The following PRKN variants were observed in gnomAD, a reference collection of about 807,000 sequenced individuals.
PRKN encodes parkin RBR E3 ubiquitin protein ligase.
PRKN carries 56 observed loss-of-function variants against 59.5 expected under a neutral mutation model. That is an observed-to-expected ratio of 0.94 (90% CI 0.76 to 1.18). The LOEUF is 1.18. Ranked by LOEUF, PRKN falls within the 50% of genes most tolerant of loss-of-function variation. The probability of loss-of-function intolerance (pLI) is 0.00; values close to 1 mark genes in which losing one functional copy is unlikely to be tolerated. For synonymous variants in PRKN, 250 were observed against 222.1 expected, an observed-to-expected ratio of 1.13 and a Z score of -1.12; for missense variants, 657 against 596.4, an observed-to-expected ratio of 1.10 and a Z score of -1.06.
chr6:162,503,363 C>T (rs956984880), intron 1 of PRKN, among the ~76,000 whole-genome samples: 4 of 151,888 alleles, frequency 2.6e-5, no homozygotes, highest in Admixed American at 2.6e-4. Context: ...GGGGTTTCGC[C>T]ATGTTGGGCA....
intron 9 of PRKN, among the ~76,000 whole-genome samples, chr6:161,541,377 A>T (rs1318478479): frequency 2.0e-5 from 3 of 152,228 alleles, no homozygotes. Context: ...CTCCACACAG[A>T]AACAATGCAA....
At chr6:161,621,014 T>C (rs1782877338) in intron 7 of PRKN, among the ~76,000 whole-genome samples, 1 of 152,110 alleles carries the variant, frequency 6.6e-6, no homozygotes, top group Non-Finnish European at 1.5e-5. Context: ...CACCTTTATG[T>C]TCGGTGCTTC....
At chr6:161,806,636 C>T (rs1433784767) in intron 6 of PRKN, among the ~76,000 whole-genome samples, 1 of 152,160 alleles carries the variant, frequency 6.6e-6, no homozygotes, top group African/African-American at 2.4e-5. Flanking sequence ...TCCACCTCCA[C>T]CCAGCTCTTA....
chr6:162,500,735 A>G (rs1793326550), intron 1 of PRKN, among the ~76,000 whole-genome samples: 1 of 152,226 alleles, frequency 6.6e-6, no homozygotes, highest in Non-Finnish European at 1.5e-5. Context: ...TGAATACACA[A>G]TATGTAATTG....
chr6:162,473,843 C>T (rs1791876235), intron 1 of PRKN, among the ~76,000 whole-genome samples: 1 of 152,076 alleles, frequency 6.6e-6, no homozygotes, highest in African/African-American at 2.4e-5. Flanking sequence ...TACTAGATTA[C>T]CTAGACTCTT....
At chr6:162,469,832 A>G (rs1383445483) in intron 1 of PRKN, among the ~76,000 whole-genome samples, 1 of 152,080 alleles carries the variant, frequency 6.6e-6, no homozygotes, top group African/African-American at 2.4e-5. Flanking sequence ...GCTACTAAAG[A>G]ACTTACACAT....
At chr6:161,837,348 G>A (rs1252902321) in intron 6 of PRKN, among the ~76,000 whole-genome samples, 1 of 152,154 alleles carries the variant, frequency 6.6e-6, no homozygotes, top group Non-Finnish European at 1.5e-5. Context: ...ACCCCTAGAT[G>A]GGGCTACTGT....
intron 1 of PRKN, among the ~76,000 whole-genome samples, chr6:162,697,786 T>C (rs1487340003): frequency 6.6e-6 from 1 of 152,228 alleles, no homozygotes; most frequent in African/African-American, 2.4e-5. Context: ...AAATACCATT[T>C]TTTAGAGCAG....
rs1195458036 is a variant in PRKN at position 161,499,282 on chromosome 6, T to C, written c.1083+49572A>G. On this transcript the variant is annotated intron_variant, in intron 9 of 11. Coordinates refer to ENST00000366898, the MANE Select transcript of PRKN (RefSeq NM_004562.3). This position sits in a 1 kb window ranked among gnomAD's most constrained non-coding sequence, Gnocchi z 4.2. ...CTGGGCCTCCACTCCTTCCCTTCAG[T>C]TGCTATTTGTCATTACACATAAATG... Among the ~76,000 whole-genome samples the C allele has an allele frequency of 1.3e-5, 2 of 152,228 alleles. No homozygotes were observed. Among genetic ancestry groups the C allele is most frequent in the Non-Finnish European group, 2.9e-5 (2 of 68,040 alleles).
rs966617690 is a variant in PRKN at position 161,369,552 on chromosome 6, T to C, written c.1168-9347A>G. Among the ~76,000 whole-genome samples, 3 of 152,164 alleles carry C rather than the reference T, an allele frequency of 2.0e-5. No homozygotes were observed. The highest frequency in any genetic ancestry group is 1.3e-4 in the Admixed American group (2 of 15,276). ...GTGATTCAGCATCACCGCCCGATTG[T>C]GCAATAAAGTGTGGCTCTCACGGGG... On this transcript the variant is annotated intron_variant, in intron 10 of 11. Transcript: ENST00000366898. The surrounding 1 kb of genome is among the most constrained non-coding windows in gnomAD (Gnocchi z 5.8).
At chr6:161,851,974 C>A (rs1167678108) in intron 6 of PRKN, among the ~76,000 whole-genome samples, 2 of 151,262 alleles carry the variant, frequency 1.3e-5, no homozygotes, top group African/African-American at 4.9e-5. Context: ...GTGGTCCCAG[C>A]TGCTCAAGAG....
In PRKN at chr6:161,593,611, A is replaced by G. The variant is rs1346276854; in HGVS notation, c.872-24195T>C. ...GCTGCCCTGTGGAGCAGACAAAGGAAAAGGAGGCAGGGGTTGCGCTGCCAC... is the reference window on the plus strand; with the variant it reads ...GCTGCCCTGTGGAGCAGACAAAGGAGAAGGAGGCAGGGGTTGCGCTGCCAC... On this transcript the variant is annotated intron_variant, in intron 7 of 11. Coordinates refer to ENST00000366898, the MANE Select transcript of PRKN (RefSeq NM_004562.3). The surrounding 1 kb of genome is among the most constrained non-coding windows in gnomAD (Gnocchi z 4.8). Among the ~76,000 whole-genome samples the G allele has an allele frequency of 6.6e-6, 1 of 152,096 alleles. No individual in the cohort carries two copies. Among genetic ancestry groups the G allele is most frequent in the Non-Finnish European group, 1.5e-5 (1 of 68,006 alleles).
intron 9 of PRKN, among the ~76,000 whole-genome samples, chr6:161,387,149 G>A (rs983252815): frequency 1.3e-5 from 2 of 152,138 alleles, no homozygotes; most frequent in Admixed American, 6.5e-5. Flanking sequence ...GGAAGACACA[G>A]TGATATGGTT....
chr6:162,615,189 A>C (rs1297175875), intron 1 of PRKN, among the ~76,000 whole-genome samples: 1 of 152,130 alleles, frequency 6.6e-6, no homozygotes, highest in Non-Finnish European at 1.5e-5. Context: ...TTTCCCACCA[A>C]CATGTGACTT....
intron 6 of PRKN, among the ~76,000 whole-genome samples, chr6:161,940,088 G>T (rs1583377063): frequency 6.6e-6 from 1 of 152,086 alleles, no homozygotes; most frequent in Middle Eastern, 3.4e-3. Flanking sequence ...TAGAGACGGG[G>T]TTTCTCCATG....
intron 3 of PRKN, among the ~76,000 whole-genome samples, chr6:162,217,733 G>GA (rs562916821): frequency 5.8e-4 from 89 of 152,242 alleles, no homozygotes; most frequent in African/African-American, 2.0e-3. Flanking sequence ...TCAATCAGAG[G>GA]AATATGTAAG....
intron 1 of PRKN, among the ~76,000 whole-genome samples, chr6:162,493,099 C>G (rs897309514): frequency 2.0e-5 from 3 of 152,068 alleles, no homozygotes; most frequent in East Asian, 1.9e-4. Context: ...TTGTTTTATA[C>G]CAGCCTATCT....
At chr6:161,744,217 C>T (rs888073346) in intron 7 of PRKN, among the ~76,000 whole-genome samples, 3 of 149,726 alleles carry the variant, frequency 2.0e-5, no homozygotes, top group African/African-American at 5.0e-5. Flanking sequence ...GGGTATAATG[C>T]TCCTCAAATT....
intron 1 of PRKN, among the ~76,000 whole-genome samples, chr6:162,543,078 T>C (rs898275402): frequency 6.6e-6 from 1 of 152,144 alleles, no homozygotes; most frequent in African/African-American, 2.4e-5. Flanking sequence ...TGTCCCCTGG[T>C]CTTTCTTTCT....
Sources: gnomAD v4.1 joint callset for allele counts (sites outside exome capture counted in the v4.1 genomes callset) on GRCh38, gnomAD v4.1.1 for gene constraint, Gnocchi (gnomAD v3.1) non-coding constraint, MANE v1.5 for transcripts, NCBI Gene and HGNC (gene_info 2026-07-23, HGNC 2026-07-21) for gene names.